BRSK2: variants seen among roughly 807,000 people sequenced by gnomAD.
BRSK2 encodes BR serine/threonine kinase 2.
A neutral mutation model predicts 83.3 loss-of-function variants in BRSK2; 19 were observed. The ratio of observed to expected loss-of-function variants is 0.23; its 90% CI spans 0.16 to 0.33. The LOEUF (loss-of-function observed/expected upper bound fraction) is 0.33. Ranked by LOEUF, BRSK2 falls within the 10% of genes least tolerant of loss-of-function variation. The pLI is 1.00. For missense variants in BRSK2, 798 were observed against 1,042.3 expected (o/e 0.77, Z 3.23); for synonymous variants, 519 against 435.4 (o/e 1.19, Z -2.39).
chr11:1,423,917 A>C lies in BRSK2; in HGVS notation c.92-12123A>C, dbSNP rs528176167. 7.7e-6 allele frequency among the ~76,000 whole-genome samples: 1 copy of C among 129,368 alleles called. No individual in the cohort carries two copies. The highest frequency in any genetic ancestry group is 3.0e-5 in the African/African-American group (1 of 33,290). The allele number at this position is 129,368 out of a possible 152,430, so 84.9% of individuals were successfully genotyped here. On this transcript the variant is annotated intron_variant, in intron 1 of 19. Transcript: ENST00000528841. This position sits in a 1 kb window ranked among gnomAD's most constrained non-coding sequence, Gnocchi z 6.5. Reference sequence around the variant, plus strand: ...GCTTTCACCCTCACGTGGCGCCCCCATCCCACCCCGTGTGTCCCCAGCCAC... The same window carrying C: ...GCTTTCACCCTCACGTGGCGCCCCCCTCCCACCCCGTGTGTCCCCAGCCAC...
chr11:1,390,599 A>ACGCGG lies in BRSK2; in HGVS notation c.91+235_91+239dup, dbSNP rs973640958. On this transcript the variant is annotated intron_variant, in intron 1 of 19. Coordinates refer to ENST00000528841, the MANE Select transcript of BRSK2 (RefSeq NM_001256627.2). This position sits in a 1 kb window ranked among gnomAD's most constrained non-coding sequence, Gnocchi z 6.8. ...GGTCGGCCGGGCGCGGCCCAAGGAC[A>ACGCGG]CGCGGCGCGGCGCGGGGCGCGCAGG... is the stretch of plus-strand genomic sequence containing the variant. 1.9e-4 allele frequency among the ~76,000 whole-genome samples: 27 copies of ACGCGG among 139,338 alleles called. No individual in the cohort carries two copies. Among genetic ancestry groups the ACGCGG allele is most frequent in the African/African-American group, 5.8e-4 (23 of 39,446 alleles). The allele number at this position is 139,338 out of a possible 152,430, so 91.4% of individuals were successfully genotyped here.
At chr11:1,404,854 G>T (rs1027839637) in intron 1 of BRSK2, among the ~76,000 whole-genome samples, 1 of 152,164 alleles carries the variant, frequency 6.6e-6, no homozygotes, top group Non-Finnish European at 1.5e-5. Context: ...CCGGGCTGGG[G>T]GCAGGGCTCA....
chr11:1,433,749 C>T (rs138265462), intron 1 of BRSK2, among the ~76,000 whole-genome samples: 99 of 152,376 alleles, frequency 6.5e-4, no homozygotes, highest in African/African-American at 2.3e-3. Context: ...AATCACAAGC[C>T]TTGTGCTGGA....
At position 1,454,750 on chromosome 11, in the gene BRSK2, C is replaced by T. The variant is rs891894447; in HGVS notation, c.1668+142C>T. The T allele has an allele frequency of 3.3e-5, 37 of 1,131,620 alleles. No homozygotes were observed. Among genetic ancestry groups the T allele is most frequent in the African/African-American group, 2.8e-4 (18 of 64,370 alleles). The allele number at this position is 1,131,620 out of a possible 1,614,324, so 70.1% of individuals were successfully genotyped here. Reference sequence around the variant, plus strand: ...CCGCTCACCCGTGGGCCTGCCTGGCCGCCTTCACTGGACAGGCGCTCTCTC... The same window carrying T: ...CCGCTCACCCGTGGGCCTGCCTGGCTGCCTTCACTGGACAGGCGCTCTCTC... On this transcript the variant is annotated intron_variant, in intron 16 of 19. Coordinates refer to ENST00000528841, the MANE Select transcript of BRSK2 (RefSeq NM_001256627.2). This position sits in a 1 kb window ranked among gnomAD's most constrained non-coding sequence, Gnocchi z 5.2.
Position 1,390,222 on chromosome 11 carries a change from G to C in BRSK2, c.-63G>C. The stretch of plus-strand genomic sequence containing the variant: ...CGGCACTCGGCGGACGCGGGCGGAC[G>C]CTGGGCGGCCCCTCCCTGCCCGCGC... On this transcript the variant is annotated 5_prime_UTR_variant, in exon 1 of 20. Transcript: ENST00000528841. This position sits in a 1 kb window ranked among gnomAD's most constrained non-coding sequence, Gnocchi z 6.8. 1 of 895,766 alleles carries C rather than the reference G, an allele frequency of 1.1e-6. No homozygotes were observed. 55.5% of individuals were successfully genotyped at this position (895,766 alleles called of 1,614,324 possible). A position where few individuals can be genotyped will look rare whatever the true frequency, so the allele number is the denominator to read the frequency against.
In BRSK2 at chr11:1,450,591, C is replaced by A. The variant is rs774997180; in HGVS notation, c.1292C>A (p.Thr431Asn). 6 of 1,561,466 alleles carry A rather than the reference C, an allele frequency of 3.8e-6. No homozygotes were observed. Among genetic ancestry groups the A allele is most frequent in the Non-Finnish European group, 4.3e-6 (5 of 1,150,332 alleles). The stretch of plus-strand genomic sequence containing the variant: ...AAATCTGTCCCCACCATACAGGTGA[C>A]CCCTCACCCCTCACCAAGGGGCAGT... ...STSPLSSPRV[T>N]PHPSPRGSPL... Residue 431 changes from threonine to asparagine, a missense_variant, in exon 14 of 20, where the codon ACC (threonine) becomes AAC (asparagine). Around this residue, in one of 6 missense-constraint regions of BRSK2, gnomAD observed 455 missense variants for 455.2 expected, o/e 1.00. Coordinates refer to ENST00000528841, the MANE Select transcript of BRSK2 (RefSeq NM_001256627.2).
chr11:1,423,208 G>A lies in BRSK2; in HGVS notation c.92-12832G>A, dbSNP rs1231290984. Among the ~76,000 whole-genome samples, 1 of 152,154 alleles carries A rather than the reference G, an allele frequency of 6.6e-6. No homozygotes were observed. The highest frequency in any genetic ancestry group is 2.4e-5 in the African/African-American group (1 of 41,432). ...TGCCTCGTGGGGGACATGGTGCCTT[G>A]TGGGGTACGTGGTGGAGACGGTGGG... is the stretch of plus-strand genomic sequence containing the variant. On this transcript the variant is annotated intron_variant, in intron 1 of 19. Transcript: ENST00000528841. The surrounding 1 kb of genome is among the most constrained non-coding windows in gnomAD (Gnocchi z 6.5).
chr11:1,394,864 T>G (rs1590289854), intron 1 of BRSK2, among the ~76,000 whole-genome samples: 1 of 79,958 alleles, frequency 1.3e-5, no homozygotes. Flanking sequence ...CCCCTGGAGA[T>G]GGGCCATGGA....
At chr11:1,395,257 G>A (rs1002996226) in intron 1 of BRSK2, among the ~76,000 whole-genome samples, 16 of 152,148 alleles carry the variant, frequency 1.1e-4, no homozygotes, top group African/African-American at 3.1e-4. Context: ...GTCTCAGGAC[G>A]CTGTTCTCAG....
At chr11:1,446,279 G>GGGGCTGGGCT (rs1564860007) in intron 12 of BRSK2, among the ~76,000 whole-genome samples, 1 of 146,304 alleles carries the variant, frequency 6.8e-6, no homozygotes, top group Non-Finnish European at 1.5e-5. Flanking sequence ...TAGGGTGGGC[G>GGGGCTGGGCT]GGGCTGGGCT....
At chr11:1,397,450 A>T (rs1159379396) in intron 1 of BRSK2, among the ~76,000 whole-genome samples, 1 of 152,276 alleles carries the variant, frequency 6.6e-6, no homozygotes, top group East Asian at 1.9e-4. Context: ...GTGCTCCCGA[A>T]AGTCCTGCTG....
chr11:1,435,691 G>A (rs1175037641), intron 1 of BRSK2, among the ~76,000 whole-genome samples: 1 of 151,728 alleles, frequency 6.6e-6, no homozygotes, highest in Admixed American at 6.6e-5. Context: ...AGCCTTCTTG[G>A]GCCAGGCAGG....
At chr11:1,396,576 G>A (rs189587485) in intron 1 of BRSK2, among the ~76,000 whole-genome samples, 132 of 152,342 alleles carry the variant, frequency 8.7e-4, no homozygotes, top group Non-Finnish European at 1.4e-3. Context: ...CCTCCCCGTC[G>A]GCCACTGGCG....
intron 1 of BRSK2, among the ~76,000 whole-genome samples, chr11:1,394,198 A>C (rs1194975825): frequency 2.9e-5 from 2 of 67,824 alleles, no homozygotes; most frequent in South Asian, 6.6e-4. Flanking sequence ...GAGATGGGCC[A>C]TGGAGATGGG....
chr11:1,403,717 G>A (rs1318806240), intron 1 of BRSK2, among the ~76,000 whole-genome samples: 2 of 152,186 alleles, frequency 1.3e-5, no homozygotes, highest in African/African-American at 4.8e-5. Flanking sequence ...ACTGATGGTC[G>A]CCTGTGGACC....
rs1845658883 is a variant in BRSK2 at position 1,390,577 on chromosome 11, C to T, written c.91+202C>T. ...ATCCCGCAGGCCGCTTGGCTGCGGT[C>T]GGCCGGGCGCGGCCCAAGGACACGC... On this transcript the variant is annotated intron_variant, in intron 1 of 19. Coordinates refer to ENST00000528841, the MANE Select transcript of BRSK2 (RefSeq NM_001256627.2). This position sits in a 1 kb window ranked among gnomAD's most constrained non-coding sequence, Gnocchi z 6.8. 7.1e-6 allele frequency among the ~76,000 whole-genome samples: 1 copy of T among 141,622 alleles called. No individual in the cohort carries two copies. The highest frequency in any genetic ancestry group is 2.5e-5 in the African/African-American group (1 of 39,774). 92.9% of individuals were successfully genotyped at this position (141,622 alleles called of 152,430 possible).
chr11:1,419,838 G>T (rs1034617808), intron 1 of BRSK2, among the ~76,000 whole-genome samples: 1 of 152,232 alleles, frequency 6.6e-6, no homozygotes, highest in East Asian at 1.9e-4. Context: ...ACTTGAACCT[G>T]GGAGGCAGAG....
At chr11:1,437,942 G>C (rs1033865880) in intron 2 of BRSK2, among the ~76,000 whole-genome samples, 1 of 152,218 alleles carries the variant, frequency 6.6e-6, no homozygotes. Context: ...GTGTCAGCCC[G>C]GCGGCCTGGG....
rs549380143 is a variant in BRSK2 at position 1,414,609 on chromosome 11, T to C, written c.92-21431T>C. On this transcript the variant is annotated intron_variant, in intron 1 of 19. Coordinates refer to ENST00000528841, the MANE Select transcript of BRSK2 (RefSeq NM_001256627.2). Reference sequence around the variant, plus strand: ...TAAAAAGTAGACTGAATTTTTTTAATTAAAATGAAATTCACATAATATAAA... The same window carrying C: ...TAAAAAGTAGACTGAATTTTTTTAACTAAAATGAAATTCACATAATATAAA... 2.0e-5 allele frequency among the ~76,000 whole-genome samples: 3 copies of C among 152,326 alleles called. No individual in the cohort carries two copies. The South Asian group carries it at 6.2e-4, about 32-fold the overall frequency.
Sources: gnomAD v4.1 joint callset for allele counts (sites outside exome capture counted in the v4.1 genomes callset) on GRCh38, gnomAD v4.1.1 for gene constraint, gnomAD v4.1.1 regional missense constraint, Gnocchi (gnomAD v3.1) non-coding constraint, MANE v1.5 for transcripts, NCBI Gene and HGNC (gene_info 2026-07-23, HGNC 2026-07-21) for gene names.